The following GC variants were observed in gnomAD, a reference collection of about 807,000 sequenced individuals.
GC encodes the protein vitamin D-binding protein.
A neutral mutation model predicts 56.7 loss-of-function variants in GC; 43 were observed. That is an observed-to-expected ratio of 0.76 (90% CI 0.59 to 0.98). The LOEUF (loss-of-function observed/expected upper bound fraction) is 0.98. Among genes scored for constraint, GC ranks in the 50% least tolerant of loss-of-function variants. The pLI is 0.00. For synonymous variants in GC, 216 were observed against 202.7 expected (o/e 1.07, Z -0.56); for missense variants, 529 against 545.9 (o/e 0.97, Z 0.31).
chr4:71,756,630 C>T (rs544351882), intron 8 of GC, 82 bp downstream of exon 8: 2 of 837,780 alleles, frequency 2.4e-6, no homozygotes, highest in East Asian at 5.0e-5. Flanking sequence ...TGATAGCATA[C>T]CTTCCCTCCA....
Position 71,758,139 on chromosome 4 carries a change from G to T in GC, c.734C>A (p.Thr245Asn). 6.2e-7 allele frequency: 1 copy of T among 1,613,234 alleles called. No individual in the cohort carries two copies. The highest frequency in any genetic ancestry group is 8.5e-7 in the Non-Finnish European group (1 of 1,179,258). ...TGGCAAAACATCCTCCAGATCAGCA[G>T]TAGGCACTTTTTGGGCTAACTTTAT... ...NLIKLAQKVP[T>N]ADLEDVLPLA... The change falls in exon 7 of 13, where the codon ACT becomes AAT. Residue 245 changes from threonine (T) to asparagine (N), a missense_variant. Thr to Asn is a moderately conservative substitution (Grantham distance 65). Transcript: ENST00000273951.
intron 1 of GC, among the ~76,000 whole-genome samples, chr4:71,779,357 G>T (rs1332093304): frequency 1.3e-5 from 2 of 151,734 alleles, no homozygotes; most frequent in Non-Finnish European, 2.9e-5. Context: ...TGTTATTTGT[G>T]GTAGGTTGGC....
rs1312566414 is a variant in GC at position 71,765,403 on chromosome 4, A to G, written c.473+29T>C. The stretch of plus-strand genomic sequence containing the variant: ...AGTCATTTCTGATACTTTAGGTCCT[A>G]AAGTTCTATTTATGATGAAGGCACT... On this transcript the variant is annotated intron_variant, in intron 4 of 12. Transcript: ENST00000273951. 3 of 1,559,230 alleles carry G rather than the reference A, an allele frequency of 1.9e-6. No individual in the cohort carries two copies. The African/African-American group carries it at 4.1e-5, about 21-fold the overall frequency.
At chr4:71,792,734 C>T (rs1167448444) in intron 1 of GC, among the ~76,000 whole-genome samples, 1 of 152,088 alleles carries the variant, frequency 6.6e-6, no homozygotes, top group Non-Finnish European at 1.5e-5. Context: ...AAGTCCTTGC[C>T]CATGCCTATG....
At chr4:71,773,549 G>A (rs999136125) in intron 1 of GC, among the ~76,000 whole-genome samples, 2 of 152,078 alleles carry the variant, frequency 1.3e-5, no homozygotes, top group East Asian at 1.9e-4. Context: ...TGTAACTTTC[G>A]TTGTAATGGG....
At chr4:71,746,103 T>C (rs955432050) in intron 12 of GC, 48 bp downstream of exon 12, 4 of 755,556 alleles carry the variant, frequency 5.3e-6, no homozygotes, top group Non-Finnish European at 7.2e-6. Flanking sequence ...TTAAAATACA[T>C]CCTACAATGC....
At chr4:71,764,812 A>G (rs992176752) in intron 4 of GC, among the ~76,000 whole-genome samples, 1 of 152,124 alleles carries the variant, frequency 6.6e-6, no homozygotes, top group Admixed American at 6.6e-5. Flanking sequence ...TTGAATATGT[A>G]TATATTTCTT....
chr4:71,743,678 T>C (rs1407539857), intron 12 of GC, among the ~76,000 whole-genome samples: 3 of 152,236 alleles, frequency 2.0e-5, no homozygotes, highest in Non-Finnish European at 4.4e-5. Context: ...TATTTCTGGA[T>C]ATCAAGTACC....
chr4:71,800,509 C>G (rs958798654), intron 1 of GC, among the ~76,000 whole-genome samples: 2 of 152,134 alleles, frequency 1.3e-5, no homozygotes, highest in Admixed American at 1.3e-4. Flanking sequence ...GGTTCCATGT[C>G]TTTTCTATTG....
intron 2 of GC, among the ~76,000 whole-genome samples, chr4:71,768,973 C>A (rs900547797): frequency 6.6e-6 from 1 of 152,210 alleles, no homozygotes; most frequent in Admixed American, 6.5e-5. Flanking sequence ...CTGGTGTTGT[C>A]CTTCTTAAGC....
At chr4:71,770,106 G>A (rs775939962) in intron 1 of GC, among the ~76,000 whole-genome samples, 11 of 152,150 alleles carry the variant, frequency 7.2e-5, no homozygotes, top group African/African-American at 1.4e-4. Flanking sequence ...ACCACTCAGC[G>A]CTTGACAGGG....
chr4:71,773,265 A>T (rs1742399362), intron 1 of GC, among the ~76,000 whole-genome samples: 1 of 152,204 alleles, frequency 6.6e-6, no homozygotes, highest in South Asian at 2.1e-4. Flanking sequence ...TCACTAACAG[A>T]ATTTTTGCTT....
At chr4:71,771,148 G>C (rs144649756) in intron 1 of GC, among the ~76,000 whole-genome samples, 1 of 152,108 alleles carries the variant, frequency 6.6e-6, no homozygotes, top group African/African-American at 2.4e-5. Context: ...TCACTTTAAG[G>C]GTTGGGAAAG....
upstream of GC, among the ~76,000 whole-genome samples, chr4:71,784,598 A>G (rs1289781163): frequency 1.3e-5 from 2 of 151,748 alleles, no homozygotes; most frequent in Admixed American, 1.3e-4. Flanking sequence ...CATAATTCTG[A>G]TGCTATGAAG....
chr4:71,804,145 G>A (rs1313407029), upstream of GC: 1 of 599,762 alleles, frequency 1.7e-6, no homozygotes. Flanking sequence ...GCTGAGCAAT[G>A]GATGAAAGGA....
upstream of GC, chr4:71,784,423 C>A (rs1742781242): frequency 2.0e-6 from 1 of 505,532 alleles, no homozygotes; most frequent in Non-Finnish European, 2.6e-6. Context: ...GACACCCCAC[C>A]TTTCTCATAT....
At position 71,795,110 on chromosome 4, in the gene GC, G is replaced by A. The variant is rs560671567; in HGVS notation, c.21+8816C>T. ...GTCAATTTTGGAATCAGTGTGATGT[G>A]GTGCTGAGAAGAATGTATATTCTGT... On this transcript the variant is annotated intron_variant, in intron 1 of 13. Transcript: ENST00000504199. Among the ~76,000 whole-genome samples, 10 of 152,276 alleles carry A rather than the reference G, an allele frequency of 6.6e-5. No individual in the cohort carries two copies. In the East Asian group the frequency reaches 1.9e-3, roughly 29 times the overall value.
chr4:71,784,434 G>A (rs1742781693), upstream of GC: 10 of 414,370 alleles, frequency 2.4e-5, no homozygotes, highest in Non-Finnish European at 3.3e-5. Context: ...TTTCTCATAT[G>A]TAAGTGGAAA....
intron 1 of GC, among the ~76,000 whole-genome samples, chr4:71,772,302 C>T (rs1019749321): frequency 1.3e-5 from 2 of 152,038 alleles, no homozygotes; most frequent in Non-Finnish European, 1.5e-5. Context: ...TTAAATTCCC[C>T]CCTACAAAAT....
Sources: gnomAD v4.1 joint callset for allele counts (sites outside exome capture counted in the v4.1 genomes callset) on GRCh38, gnomAD v4.1.1 for gene constraint, MANE v1.5 for transcripts, NCBI Gene and HGNC (gene_info 2026-07-23, HGNC 2026-07-21) for gene names.